The following CEP126 variants were observed in gnomAD, a reference collection of about 807,000 sequenced individuals.
The protein encoded by CEP126 is centrosomal protein 126.
In CEP126, 74 loss-of-function variants were observed where a neutral mutation model predicts 107.8. The ratio of observed to expected loss-of-function variants is 0.69; its 90% CI spans 0.57 to 0.83. CEP126 has a LOEUF of 0.83. CEP126 is among the 40% of genes least tolerant of loss of function. The pLI is 0.00. For synonymous variants in CEP126, 449 were observed against 446.0 expected, an observed-to-expected ratio of 1.01 and a Z score of -0.08; for missense variants, 1,237 against 1,281.9, an observed-to-expected ratio of 0.96 and a Z score of 0.53.
At chr11:101,987,814 G>A (rs1423061983) in intron 9 of CEP126, among the ~76,000 whole-genome samples, 1 of 152,006 alleles carries the variant, frequency 6.6e-6, no homozygotes. Context: ...TAGTTCTTAA[G>A]ATCTCAAGCA....
chr11:101,989,268 T>C (rs895213136), intron 9 of CEP126, among the ~76,000 whole-genome samples: 1 of 152,248 alleles, frequency 6.6e-6, no homozygotes, highest in Non-Finnish European at 1.5e-5. Flanking sequence ...AAATATTTTA[T>C]GTATCTATCA....
chr11:101,925,008 C>T (rs1405783962), intron 2 of CEP126, among the ~76,000 whole-genome samples: 1 of 152,228 alleles, frequency 6.6e-6, no homozygotes, highest in East Asian at 1.9e-4. Flanking sequence ...TTTCCATTCT[C>T]TCAGTCAGTA....
intron 2 of CEP126, among the ~76,000 whole-genome samples, chr11:101,923,394 A>C (rs1940361050): frequency 1.3e-5 from 2 of 152,184 alleles, no homozygotes; most frequent in African/African-American, 4.8e-5. Flanking sequence ...GATGTTTTTT[A>C]AATATTAGGC....
rs1470362898 is a variant in CEP126 at position 101,917,027 on chromosome 11, AATGT to A, written c.128+1616_128+1619del. 4.2e-4 allele frequency among the ~76,000 whole-genome samples: 38 copies of A among 90,222 alleles called. 1 individual carries two copies. The South Asian group carries it at 4.2e-3, about 10-fold the overall frequency. 59.2% of individuals were successfully genotyped at this position (90,222 alleles called of 152,430 possible). A position where few individuals can be genotyped will look rare whatever the true frequency, so the allele number is the denominator to read the frequency against. ...CCAATAGACTTTGATAAAATCCAAC[AATGT>A]GTGTGTGTGTGTGTGTGTGTGTGTG... is the stretch of plus-strand genomic sequence containing the variant. On this transcript the variant is annotated intron_variant, in intron 1 of 10. Coordinates refer to ENST00000263468, the MANE Select transcript of CEP126 (RefSeq NM_020802.4).
intron 4 of CEP126, chr11:101,956,791 C>T (rs891957819): frequency 2.0e-5 from 9 of 446,242 alleles, no homozygotes; most frequent in African/African-American, 1.8e-4. Flanking sequence ...CTATTCTTCA[C>T]TCTCCTTCTG....
intron 2 of CEP126, among the ~76,000 whole-genome samples, chr11:101,940,469 T>G (rs1940648027): frequency 6.6e-6 from 1 of 152,266 alleles, no homozygotes; most frequent in Admixed American, 6.5e-5. Context: ...GTTATTATTC[T>G]GGTCATTTGC....
chr11:101,969,272 C>T (rs1941097075), intron 6 of CEP126, among the ~76,000 whole-genome samples: 1 of 152,208 alleles, frequency 6.6e-6, no homozygotes, highest in African/African-American at 2.4e-5. Context: ...CTGCCTGCCT[C>T]AGTCTCCCAA....
chr11:101,982,270 C>A (rs1565368496), intron 8 of CEP126, among the ~76,000 whole-genome samples: 2 of 152,122 alleles, frequency 1.3e-5, no homozygotes, highest in Non-Finnish European at 2.9e-5. Flanking sequence ...TTGAATTAAA[C>A]TCCATGTATT....
chr11:101,947,959 AT>A (rs1940759598), intron 3 of CEP126, 71 bp from the exon 4 acceptor site: 1 of 616,574 alleles, frequency 1.6e-6, no homozygotes, highest in Non-Finnish European at 2.7e-6. Context: ...TCATTAACCA[AT>A]TAAATTATAT....
At position 102,001,017 on chromosome 11, in the gene CEP126, C is replaced by G. The variant is rs886760444; in HGVS notation, c.*3374C>G. 1 of 152,088 alleles carries G rather than the reference C, an allele frequency of 6.6e-6. No individual in the cohort carries two copies. The highest frequency in any genetic ancestry group is 6.6e-5 in the Admixed American group (1 of 15,258). 9.4% of individuals were successfully genotyped at this position (152,088 alleles called of 1,614,324 possible). On this transcript the variant is annotated 3_prime_UTR_variant, in exon 11 of 11. Transcript: ENST00000263468. ...TACATGGACTAAATTTTGTCAATTT[C>G]ATGTAATTTACCCTTTGCAATAAAA... is the stretch of plus-strand genomic sequence containing the variant.
At chr11:101,960,883 C>A (rs1940960800) in intron 5 of CEP126, among the ~76,000 whole-genome samples, 1 of 151,786 alleles carries the variant, frequency 6.6e-6, no homozygotes, top group South Asian at 2.1e-4. Flanking sequence ...AAATTTATTT[C>A]TATATATGTG....
Position 101,922,378 on chromosome 11 carries a change from G to A in CEP126, c.129-263G>A, listed in dbSNP as rs111750514. Among the ~76,000 whole-genome samples the A allele has an allele frequency of 3.7e-3, 560 of 151,586 alleles. 2 individuals are homozygous for A. Among genetic ancestry groups the A allele is most frequent in the African/African-American group, 0.013 (522 of 41,294 alleles). Reference sequence around the variant, plus strand: ...CGGGGTTTTGCCACGTTGGCCAGCCGGGTCTTGACCTACTGACCTCGTGAT... The same window carrying A: ...CGGGGTTTTGCCACGTTGGCCAGCCAGGTCTTGACCTACTGACCTCGTGAT... On this transcript the variant is annotated intron_variant, in intron 1 of 10. Coordinates refer to ENST00000263468, the MANE Select transcript of CEP126 (RefSeq NM_020802.4).
chr11:101,935,122 G>A (rs1363969834), intron 2 of CEP126, among the ~76,000 whole-genome samples: 1 of 151,916 alleles, frequency 6.6e-6, no homozygotes, highest in Admixed American at 6.6e-5. Context: ...CTTGCCTGAT[G>A]TGCCATTCAT....
chr11:101,955,459 C>T (rs1288009425), intron 4 of CEP126, among the ~76,000 whole-genome samples: 8 of 152,170 alleles, frequency 5.3e-5, no homozygotes, highest in Non-Finnish European at 8.8e-5. Flanking sequence ...CAGAGCTGAG[C>T]AGTTATCTAT....
At chr11:101,938,169 A>AAAAAAAAC (rs1565353082) in intron 2 of CEP126, among the ~76,000 whole-genome samples, 1 of 143,854 alleles carries the variant, frequency 7.0e-6, no homozygotes, top group African/African-American at 2.6e-5. Flanking sequence ...CAAAAAAAAA[A>AAAAAAAAC]AAAAAAATAC....
At chr11:101,930,931 A>C (rs1277478701) in intron 2 of CEP126, among the ~76,000 whole-genome samples, 1 of 152,226 alleles carries the variant, frequency 6.6e-6, no homozygotes, top group African/African-American at 2.4e-5. Context: ...AGTTGTACTT[A>C]GCGGGAGAAA....
intron 5 of CEP126, among the ~76,000 whole-genome samples, chr11:101,959,756 A>C (rs956667114): frequency 1.3e-5 from 2 of 152,222 alleles, no homozygotes; most frequent in Admixed American, 1.3e-4. Flanking sequence ...TCAGAAATGA[A>C]AAATTGACTG....
In CEP126 at chr11:101,991,277, T is replaced by C. The variant is rs576626328; in HGVS notation, c.3245-1501T>C. Among the ~76,000 whole-genome samples, 53 of 152,190 alleles carry C rather than the reference T, an allele frequency of 3.5e-4. 1 individual carries two copies. In the South Asian group the frequency reaches 0.011, roughly 32 times the overall value. ...ACACCTACACACACATACACTCCAG[T>C]GACCTAGCAGAAGTGGATATACTCA... On this transcript the variant is annotated intron_variant, in intron 9 of 10. Coordinates refer to ENST00000263468, the MANE Select transcript of CEP126 (RefSeq NM_020802.4).
At chr11:101,996,217 C>T (rs1042639291) in intron 10 of CEP126, among the ~76,000 whole-genome samples, 7 of 152,316 alleles carry the variant, frequency 4.6e-5, no homozygotes, top group African/African-American at 9.6e-5. Context: ...GTTCCACATT[C>T]GGCAGTTTCC....
Sources: allele counts gnomAD v4.1 joint callset (sites outside exome capture counted in the v4.1 genomes callset), GRCh38; gene constraint gnomAD v4.1.1; transcripts MANE v1.5; gene names NCBI Gene and HGNC (gene_info 2026-07-23, HGNC 2026-07-21).